The following DECR1 variants were observed in gnomAD, a reference collection of about 807,000 sequenced individuals.
DECR1 encodes 2,4-dienoyl-CoA reductase [(3E)-enoyl-CoA-producing], mitochondrial.
In DECR1, 44 loss-of-function variants were observed where a neutral mutation model predicts 38.8. The ratio of observed to expected loss-of-function variants is 1.13; its 90% CI spans 0.89 to 1.46. The LOEUF (loss-of-function observed/expected upper bound fraction) is 1.46, where lower values mean the gene tolerates loss of function less well. DECR1 is among the 40% of genes most tolerant of loss of function. The probability of loss-of-function intolerance (pLI) is 0.00; values close to 1 mark genes in which losing one functional copy is unlikely to be tolerated. For missense variants in DECR1, 428 were observed against 405.5 expected (o/e 1.06, Z -0.48); for synonymous variants, 148 against 135.2 (o/e 1.09, Z -0.66).
At chr8:90,019,811 A>G (rs1372176596) in intron 4 of DECR1, among the ~76,000 whole-genome samples, 1 of 152,252 alleles carries the variant, frequency 6.6e-6, no homozygotes, top group Non-Finnish European at 1.5e-5. Flanking sequence ...GCTAAAGCAA[A>G]GAACAGAGTA....
At chr8:90,018,508 AT>A (rs35277898) in intron 2 of DECR1, 44,505 of 153,858 alleles carry the variant, frequency 0.29, 6,496 homozygotes, top group East Asian at 0.39. Context: ...TATTATTTTC[AT>A]TTTAATAATA....
chr8:90,036,731 A>C, intron 5 of DECR1, 110 bp from the exon 6 acceptor site: 1 of 636,026 alleles, frequency 1.6e-6, no homozygotes, highest in South Asian at 2.6e-5. Context: ...AAAATACTTT[A>C]GTTTTTCTTA....
intron 1 of DECR1, among the ~76,000 whole-genome samples, chr8:90,004,241 G>A (rs1240182813): frequency 6.6e-6 from 1 of 151,886 alleles, no homozygotes; most frequent in African/African-American, 2.4e-5. Flanking sequence ...GAGCTACTCA[G>A]GAGGCTGAGG....
chr8:90,045,585 C>T (rs1299656138), intron 8 of DECR1, among the ~76,000 whole-genome samples: 3 of 152,210 alleles, frequency 2.0e-5, no homozygotes, highest in South Asian at 2.1e-4. Context: ...CTTCCTGCCT[C>T]TATAGACTCC....
chr8:90,015,950 T>G (rs1243600429), intron 1 of DECR1, among the ~76,000 whole-genome samples: 1 of 152,252 alleles, frequency 6.6e-6, no homozygotes, highest in Non-Finnish European at 1.5e-5. Flanking sequence ...ATTAAATAGT[T>G]TGATATGTAA....
rs1403396576 is a variant in DECR1 at position 90,051,929 on chromosome 8, A to C, written c.*32A>C. On this transcript the variant is annotated 3_prime_UTR_variant, in exon 10 of 10. Transcript: ENST00000220764. ...TTTGGCCTTCATCTTGGTTACAGAA[A>C]AGGGAATAGAAATGAAACAAATTAT... 1 of 1,580,842 alleles carries C rather than the reference A, an allele frequency of 6.3e-7. No individual in the cohort carries two copies. Among genetic ancestry groups the C allele is most frequent in the Admixed American group, 1.7e-5 (1 of 59,028 alleles).
At chr8:90,045,921 G>C (rs918810107) in intron 8 of DECR1, among the ~76,000 whole-genome samples, 1 of 152,206 alleles carries the variant, frequency 6.6e-6, no homozygotes, top group African/African-American at 2.4e-5. Flanking sequence ...CAGGCAAACA[G>C]TGTCTGCAGT....
chr8:90,020,231 A>G (rs947968467), intron 4 of DECR1, among the ~76,000 whole-genome samples: 10 of 152,222 alleles, frequency 6.6e-5, no homozygotes, highest in African/African-American at 2.2e-4. Context: ...ATCTTTACTG[A>G]TGGTAAATAG....
rs1814136081 is a variant in DECR1 at position 90,053,108 on chromosome 8, C to T, written c.*1211C>T. Among the ~76,000 whole-genome samples, 1 of 152,044 alleles carries T rather than the reference C, an allele frequency of 6.6e-6. No homozygotes were observed. The highest frequency in any genetic ancestry group is 6.6e-5 in the Admixed American group (1 of 15,260). ...TTTTTAGGCTGTTGCACTTTTTCTC[C>T]ACATGCTTGCAATACAATACTCTCA... On this transcript the variant is annotated 3_prime_UTR_variant, in exon 10 of 10. Coordinates refer to ENST00000220764, the MANE Select transcript of DECR1 (RefSeq NM_001359.2).
At chr8:90,006,199 C>T in intron 1 of DECR1, 1 of 704,024 alleles carries the variant, frequency 1.4e-6, no homozygotes, top group Non-Finnish European at 2.6e-6. Context: ...AGAAAGAAGC[C>T]TGGAGTTGTA....
At chr8:90,041,929 G>A (rs778068059) in intron 6 of DECR1, among the ~76,000 whole-genome samples, 13 of 151,368 alleles carry the variant, frequency 8.6e-5, no homozygotes, top group South Asian at 2.1e-4. Context: ...AAGCTACCTC[G>A]TCATTATTTG....
intron 1 of DECR1, chr8:90,006,042 G>C (rs1812729970): frequency 3.3e-6 from 2 of 610,106 alleles, no homozygotes; most frequent in Admixed American, 5.7e-5. Flanking sequence ...CCAGGATGAA[G>C]ATGGTACTAC....
intron 1 of DECR1, 29 bp from the exon 2 acceptor site, chr8:90,017,095 G>A (rs200245222): frequency 1.3e-6 from 2 of 1,533,478 alleles, no homozygotes; most frequent in South Asian, 1.1e-5. Context: ...ATATATGTAT[G>A]CAAATTTAAA....
rs1814105734 is a variant in DECR1, at chr8:90,051,857, A to G, written c.968A>G (p.Asp323Gly). 3 of 1,613,926 alleles carry G rather than the reference A, an allele frequency of 1.9e-6. No homozygotes were observed. Among genetic ancestry groups the G allele is most frequent in the Non-Finnish European group, 2.5e-6 (3 of 1,179,902 alleles). The change falls in exon 10 of 10, where the codon GAC (aspartate) becomes GGC (glycine). Residue 323 changes from aspartate (D) to glycine (G), a missense_variant. Transcript: ENST00000220764. The part of the protein sequence containing the change: ...DLRKVTKEQW[D>G]TIEELIRKTK... Reference sequence around the variant, plus strand: ...TGTTAGGTCACCAAGGAGCAGTGGGACACCATAGAAGAACTCATCAGGAAG... The same window carrying G: ...TGTTAGGTCACCAAGGAGCAGTGGGGCACCATAGAAGAACTCATCAGGAAG...
chr8:90,021,361 A>G (rs7005991), intron 5 of DECR1, among the ~76,000 whole-genome samples: 11,150 of 152,128 alleles, frequency 0.073, 728 homozygotes, highest in African/African-American at 0.17. Context: ...GAGAAAGAGG[A>G]GGGAAAGGAC....
chr8:90,001,507 C>A lies in DECR1; in HGVS notation c.15C>A (p.Ala5=). 1.2e-6 allele frequency: 2 copies of A among 1,614,052 alleles called. No homozygotes were observed. Among genetic ancestry groups the A allele is most frequent in the Admixed American group, 1.7e-5 (1 of 60,030 alleles). The change falls in exon 1 of 10, where the codon GCC becomes GCA. Residue 5 remains alanine, a synonymous_variant. Transcript: ENST00000220764. MKLP[A]RVFFTLGSRL... Reference sequence around the variant, plus strand: ...GGAGACTCAACATGAAGCTACCGGCCAGGGTTTTCTTTACTCTGGGGTCCC... The same window carrying A: ...GGAGACTCAACATGAAGCTACCGGCAAGGGTTTTCTTTACTCTGGGGTCCC...
At chr8:90,016,208 A>T (rs1397591257) in intron 1 of DECR1, among the ~76,000 whole-genome samples, 1 of 152,232 alleles carries the variant, frequency 6.6e-6, no homozygotes, top group Admixed American at 6.5e-5. Context: ...AGAAGCTAGC[A>T]TGGGAAGAGG....
intron 1 of DECR1, among the ~76,000 whole-genome samples, chr8:90,008,027 G>C (rs1307735173): frequency 6.6e-6 from 1 of 152,224 alleles, no homozygotes; most frequent in Admixed American, 6.5e-5. Flanking sequence ...TTGCTGGAAT[G>C]ATGAAATGAT....
At position 90,017,171 on chromosome 8, in the gene DECR1, G is replaced by T; in HGVS notation, c.117G>T (p.Leu39Phe). The T allele has an allele frequency of 6.2e-7, 1 of 1,614,032 alleles. No individual in the cohort carries two copies. The highest frequency in any genetic ancestry group is 8.5e-7 in the Non-Finnish European group (1 of 1,179,948). ...TKILYQNTEA[L>F]QSKFFSPLQK... ...TATTATATCAAAACACTGAAGCTTT[G>T]CAATCTAAATTCTTTTCACCTCTTC... The change falls in exon 2 of 10, where the codon TTG (leucine) becomes TTT (phenylalanine). Residue 39 changes from leucine to phenylalanine, a missense_variant. Physicochemically the swap from Leu to Phe is conservative, Grantham distance 22 (BLOSUM62 0). Coordinates refer to ENST00000220764, the MANE Select transcript of DECR1 (RefSeq NM_001359.2).
Sources: allele counts gnomAD v4.1 joint callset (sites outside exome capture counted in the v4.1 genomes callset), GRCh38; gene constraint gnomAD v4.1.1; transcripts MANE v1.5; gene names NCBI Gene and HGNC (gene_info 2026-07-23, HGNC 2026-07-21).